Variants in PTPN13 observed in about 807,000 individuals in gnomAD.
PTPN13 encodes the protein protein tyrosine phosphatase non-receptor type 13, also known as tyrosine-protein phosphatase non-receptor type 13.
A neutral mutation model predicts 284.0 loss-of-function variants in PTPN13; 191 were observed. The ratio of observed to expected loss-of-function variants is 0.67; its 90% CI spans 0.60 to 0.76. The LOEUF (loss-of-function observed/expected upper bound fraction) is 0.76. Among genes scored for constraint, PTPN13 ranks in the 30% least tolerant of loss-of-function variants. The probability of loss-of-function intolerance (pLI) is 0.00; values close to 1 mark genes in which losing one functional copy is unlikely to be tolerated. For synonymous variants in PTPN13, 986 were observed against 1,022.3 expected, an observed-to-expected ratio of 0.96 and a Z score of 0.68; for missense variants, 2,797 against 2,939.9, an observed-to-expected ratio of 0.95 and a Z score of 1.12.
At chr4:86,680,416 T>C (rs1424725920) in intron 3 of PTPN13, among the ~76,000 whole-genome samples, 1 of 152,066 alleles carries the variant, frequency 6.6e-6, no homozygotes, top group East Asian at 1.9e-4. Context: ...TCTCTATCTC[T>C]GTCTCCATCT....
chr4:86,618,514 G>C (rs1720849578), intron 1 of PTPN13, among the ~76,000 whole-genome samples: 1 of 152,034 alleles, frequency 6.6e-6, no homozygotes, highest in Non-Finnish European at 1.5e-5. Context: ...AAATTACCTT[G>C]GGCATTATGG....
At position 86,701,636 on chromosome 4, in the gene PTPN13, T is replaced by G. The variant is rs1731175755; in HGVS notation, c.1030T>G (p.Tyr344Asp). ...TACTCCTAGAAAAAAGGAGGCAAGA[T>G]ACTCAGATGGAAGTATAGCCTTGGA... ...STTPRKKEAR[Y>D]SDGSIALDIF... is the part of the protein sequence containing the mutation. The change falls in exon 7 of 48, where the codon TAC becomes GAC. Residue 344 changes from tyrosine to aspartate, a missense_variant. Tyr to Asp is a radical substitution (Grantham distance 160). Transcript: ENST00000411767. 6.2e-7 allele frequency: 1 copy of G among 1,613,818 alleles called. No individual in the cohort carries two copies. The highest frequency in any genetic ancestry group is 1.7e-5 in the Admixed American group (1 of 59,996).
chr4:86,734,274 T>C, intron 12 of PTPN13, 29 bp from the exon 13 acceptor site: 2 of 1,398,896 alleles, frequency 1.4e-6, no homozygotes, highest in African/African-American at 1.5e-5. Context: ...TTTTTTATTT[T>C]ATCTGAATAT....
chr4:86,758,440 C>T, intron 21 of PTPN13, 91 bp downstream of exon 21: 1 of 1,128,376 alleles, frequency 8.9e-7, no homozygotes, highest in Non-Finnish European at 1.3e-6. Flanking sequence ...AGTGCCAGCT[C>T]ACTTCTGGTC....
intron 2 of PTPN13, among the ~76,000 whole-genome samples, chr4:86,668,101 C>G (rs897541909): frequency 7.9e-5 from 12 of 152,090 alleles, no homozygotes; most frequent in Admixed American, 5.2e-4. Context: ...TGTTTAGCAA[C>G]TTTTCTGTGG....
At chr4:86,771,045 ATTAC>A in intron 30 of PTPN13, 122 bp from the exon 31 acceptor site, 1 of 981,692 alleles carries the variant, frequency 1.0e-6, no homozygotes. Context: ...TTGAACATAA[ATTAC>A]TTTTATCATC....
At chr4:86,663,385 A>G (rs1565265713) in intron 2 of PTPN13, among the ~76,000 whole-genome samples, 1 of 152,236 alleles carries the variant, frequency 6.6e-6, no homozygotes, top group Non-Finnish European at 1.5e-5. Flanking sequence ...AGTGTGATCT[A>G]ATGGTAATAA....
intron 39 of PTPN13, 76 bp downstream of exon 39, chr4:86,785,444 A>G: frequency 1.6e-6 from 2 of 1,258,852 alleles, no homozygotes; most frequent in Non-Finnish European, 2.2e-6. Flanking sequence ...TTGAGTAAAT[A>G]TGTAATGCAT....
In PTPN13 at chr4:86,814,677, A is replaced by T. The variant is rs1745609113; in HGVS notation, c.*126A>T. 1.6e-6 allele frequency: 1 copy of T among 637,542 alleles called. No homozygotes were observed. Among genetic ancestry groups the T allele is most frequent in the East Asian group, 2.8e-5 (1 of 35,424 alleles). The allele number at this position is 637,542 out of a possible 1,614,324, so 39.5% of individuals were successfully genotyped here. Reference sequence around the variant, plus strand: ...CAACATGCATGTTCTCCTCTATCTTAGAGGGGTATTCTTCTTGAAAATAAA... The same window carrying T: ...CAACATGCATGTTCTCCTCTATCTTTGAGGGGTATTCTTCTTGAAAATAAA... On this transcript the variant is annotated 3_prime_UTR_variant, in exon 48 of 48. Transcript: ENST00000411767.
intron 46 of PTPN13, 50 bp from the exon 47 acceptor site, chr4:86,810,996 C>G: frequency 6.5e-7 from 1 of 1,549,688 alleles, no homozygotes; most frequent in Non-Finnish European, 8.9e-7. Flanking sequence ...TTTTGAGATT[C>G]AAATCCAGTT....
Position 86,769,892 on chromosome 4 carries a change from C to T in PTPN13, c.4613C>T (p.Pro1538Leu), listed in dbSNP as rs1739784196. Residue 1538 changes from proline to leucine, a missense_variant, in exon 29 of 48, where the codon CCT becomes CTT. Coordinates refer to ENST00000411767, the MANE Select transcript of PTPN13 (RefSeq NM_080683.3). ...ASIVRVKKLF[P>L]GQPAAESGKI... is the part of the protein sequence containing the mutation. ...ATAGTAAGGGTTAAAAAGCTCTTTC[C>T]TGGACAGCCAGCAGCAGAAAGTGGA... 6.2e-7 allele frequency: 1 copy of T among 1,613,920 alleles called. No homozygotes were observed. Among genetic ancestry groups the T allele is most frequent in the Non-Finnish European group, 8.5e-7 (1 of 1,179,860 alleles).
At position 86,796,109 on chromosome 4, in the gene PTPN13, C is replaced by G. The variant is rs542946926; in HGVS notation, c.6346-765C>G. Reference sequence around the variant, plus strand: ...TGCTCCTGCTGCAGTATTTGAATCTCTGAAACACACCATACTCAGTTAAAG... The same window carrying G: ...TGCTCCTGCTGCAGTATTTGAATCTGTGAAACACACCATACTCAGTTAAAG... On this transcript the variant is annotated intron_variant, in intron 40 of 47. Transcript: ENST00000411767. Among the ~76,000 whole-genome samples, 10 of 152,220 alleles carry G rather than the reference C, an allele frequency of 6.6e-5. No individual in the cohort carries two copies. In the South Asian group the frequency reaches 2.1e-3, roughly 32 times the overall value.
intron 1 of PTPN13, among the ~76,000 whole-genome samples, chr4:86,629,836 A>G (rs538011433): frequency 6.6e-6 from 1 of 151,910 alleles, no homozygotes; most frequent in Non-Finnish European, 1.5e-5. Context: ...ATAGCATTGC[A>G]GTCTCCACCT....
At chr4:86,651,777 C>T (rs1307474736) in intron 2 of PTPN13, among the ~76,000 whole-genome samples, 2 of 152,116 alleles carry the variant, frequency 1.3e-5, no homozygotes, top group Non-Finnish European at 2.9e-5. Flanking sequence ...TATTGTTTCT[C>T]CTAATAGTCT....
At chr4:86,621,274 A>G (rs564675019) in intron 1 of PTPN13, among the ~76,000 whole-genome samples, 25 of 152,318 alleles carry the variant, frequency 1.6e-4, no homozygotes, top group African/African-American at 5.5e-4. Flanking sequence ...AAAATTTTTT[A>G]TCTCCATTTA....
intron 15 of PTPN13, among the ~76,000 whole-genome samples, chr4:86,739,955 C>A (rs1188228269): frequency 1.3e-5 from 2 of 152,220 alleles, no homozygotes; most frequent in African/African-American, 4.8e-5. Flanking sequence ...CCTTTGACTG[C>A]ATGTCTCACA....
intron 2 of PTPN13, among the ~76,000 whole-genome samples, chr4:86,639,203 A>C (rs1723437272): frequency 1.3e-5 from 2 of 151,764 alleles, no homozygotes; most frequent in Non-Finnish European, 2.9e-5. Context: ...ATGTGGAGAA[A>C]CAGGAACACT....
rs1339843076 is a variant in PTPN13, at chr4:86,672,239, T to C, written c.116-126T>C. On this transcript the variant is annotated intron_variant, in intron 2 of 47. Transcript: ENST00000411767. Reference sequence around the variant, plus strand: ...GCATGTTGATTTGGTATATGTTAACTACTTATTAACATCTATACAAATAGG... The same window carrying C: ...GCATGTTGATTTGGTATATGTTAACCACTTATTAACATCTATACAAATAGG... The C allele has an allele frequency of 7.1e-6, 5 of 706,826 alleles. No individual in the cohort carries two copies. In the Admixed American group the frequency reaches 1.0e-4, roughly 15 times the overall value. 43.8% of individuals were successfully genotyped at this position (706,826 alleles called of 1,614,324 possible).
At chr4:86,765,047 A>G (rs1465533966) in intron 25 of PTPN13, among the ~76,000 whole-genome samples, 1 of 152,178 alleles carries the variant, frequency 6.6e-6, no homozygotes, top group African/African-American at 2.4e-5. Context: ...TAGATTATAT[A>G]TCTCTAACCT....
Sources: allele counts gnomAD v4.1 joint callset (sites outside exome capture counted in the v4.1 genomes callset), GRCh38; gene constraint gnomAD v4.1.1; transcripts MANE v1.5; gene names NCBI Gene and HGNC (gene_info 2026-07-23, HGNC 2026-07-21).